Variants in UBE2D2 observed in about 807,000 individuals in gnomAD.
UBE2D2 encodes the protein ubiquitin-conjugating enzyme E2 D2.
A neutral mutation model predicts 24.2 loss-of-function variants in UBE2D2; 2 were observed. The observed-to-expected ratio is 0.08, with a 90% CI of 0.03 to 0.26. UBE2D2 has a LOEUF of 0.26. Among genes scored for constraint, UBE2D2 ranks in the 10% least tolerant of loss-of-function variants. The pLI, the probability that UBE2D2 is intolerant of heterozygous loss-of-function variation, is 1.00. For missense variants in UBE2D2, 44 were observed against 177.6 expected (o/e 0.25, Z 4.28); for synonymous variants, 58 against 56.5 (o/e 1.03, Z -0.12).
chr5:139,544,256 A>G (rs1280383206), intron 1 of UBE2D2, among the ~76,000 whole-genome samples: 1 of 151,048 alleles, frequency 6.6e-6, no homozygotes, highest in Non-Finnish European at 1.5e-5. Context: ...TCAGCCTCAC[A>G]AAGTGCTGAG....
intron 2 of UBE2D2, 145 bp from the exon 3 acceptor site, chr5:139,614,441 G>A: frequency 1.1e-6 from 1 of 946,548 alleles, no homozygotes; most frequent in South Asian, 1.7e-5. Context: ...TCTTTAGACT[G>A]TTAATTTATG....
chr5:139,614,225 G>GT (rs1228695083), intron 2 of UBE2D2, among the ~76,000 whole-genome samples: 13 of 151,772 alleles, frequency 8.6e-5, no homozygotes, highest in Non-Finnish European at 1.2e-4. Flanking sequence ...AATACTTTCG[G>GT]TTTTTTTTGT....
chr5:139,572,921 G>A (rs1223407141), intron 1 of UBE2D2, among the ~76,000 whole-genome samples: 1 of 151,926 alleles, frequency 6.6e-6, no homozygotes, highest in African/African-American at 2.4e-5. Context: ...TGGGATTGCA[G>A]GTGTGAGCCA....
At chr5:139,562,616 G>A (rs759417497) in intron 1 of UBE2D2, among the ~76,000 whole-genome samples, 1 of 152,028 alleles carries the variant, frequency 6.6e-6, no homozygotes, top group Middle Eastern at 3.2e-3. Context: ...TCGCAAAATG[G>A]ACTTGACGCT....
intron 1 of UBE2D2, among the ~76,000 whole-genome samples, chr5:139,599,758 CA>C (rs753190604): frequency 3.3e-5 from 5 of 151,106 alleles, no homozygotes; most frequent in African/African-American, 1.2e-4. Flanking sequence ...AACAAACAAA[CA>C]AAAAAAACAG....
intron 1 of UBE2D2, among the ~76,000 whole-genome samples, chr5:139,546,980 T>C (rs1752839481): frequency 6.6e-6 from 1 of 150,660 alleles, no homozygotes; most frequent in Non-Finnish European, 1.5e-5. Context: ...TGCAACCTCC[T>C]TCTCCCGGCT....
At chr5:139,585,605 C>T (rs1439078493) in intron 1 of UBE2D2, among the ~76,000 whole-genome samples, 2 of 151,850 alleles carry the variant, frequency 1.3e-5, no homozygotes, top group African/African-American at 4.8e-5. Flanking sequence ...TTTTTATGTG[C>T]CTTTGTAAGT....
At position 139,627,987 on chromosome 5, in the gene UBE2D2, T is replaced by C. The variant is rs1038186991; in HGVS notation, c.*1186T>C. The C allele has an allele frequency of 1.3e-5, 2 of 152,678 alleles. No homozygotes were observed. The highest frequency in any genetic ancestry group is 2.9e-5 in the Non-Finnish European group (2 of 68,052). 9.5% of individuals were successfully genotyped at this position (152,678 alleles called of 1,614,324 possible). A position where few individuals can be genotyped will look rare whatever the true frequency, so the allele number is the denominator to read the frequency against. On this transcript the variant is annotated 3_prime_UTR_variant, in exon 7 of 7. Coordinates refer to ENST00000398733, the MANE Select transcript of UBE2D2 (RefSeq NM_003339.3). ...ACTAAGCTGCATTTCATCAAAACCT[T>C]GTGACATTCCCTTGGTACATAGGAC...
At chr5:139,549,498 G>A (rs1241511943) in intron 1 of UBE2D2, among the ~76,000 whole-genome samples, 1 of 152,242 alleles carries the variant, frequency 6.6e-6, no homozygotes, top group African/African-American at 2.4e-5. Flanking sequence ...GCCAGCCGCT[G>A]TGGAGGGTGC....
chr5:139,605,509 G>A (rs1463907920), intron 2 of UBE2D2, among the ~76,000 whole-genome samples: 6 of 148,152 alleles, frequency 4.0e-5, no homozygotes, highest in Admixed American at 1.4e-4. Flanking sequence ...GGAGAATGGC[G>A]TGAACCCGGG....
intron 2 of UBE2D2, among the ~76,000 whole-genome samples, chr5:139,609,651 G>A (rs1281167807): frequency 2.0e-5 from 3 of 149,886 alleles, no homozygotes; most frequent in Non-Finnish European, 4.4e-5. Context: ...GATTACAGGT[G>A]TGAGCCATCA....
At chr5:139,617,370 AT>A (rs1292231182) in intron 5 of UBE2D2, among the ~76,000 whole-genome samples, 2,501 of 102,546 alleles carry the variant, frequency 0.024, 27 homozygotes, top group African/African-American at 0.057. Flanking sequence ...GTGGTGTGTG[AT>A]TTTTTTTTTT....
chr5:139,537,696 A>G (rs889366609), intron 1 of UBE2D2, among the ~76,000 whole-genome samples: 12 of 151,508 alleles, frequency 7.9e-5, no homozygotes, highest in African/African-American at 1.2e-4. Flanking sequence ...CAGGCGTGGT[A>G]GCTCACGCCT....
rs1239700900 is a variant in UBE2D2 at position 139,614,632 on chromosome 5, T to G, written c.120+15T>G. On this transcript the variant is annotated intron_variant, in intron 3 of 6. Coordinates refer to ENST00000398733, the MANE Select transcript of UBE2D2 (RefSeq NM_003339.3). ...TAATGGGGCCAGTAAGTATTCAGAT[T>G]AATTTCAGAATAAACAGTTTATGTA... 7.4e-6 allele frequency: 12 copies of G among 1,613,882 alleles called. No individual in the cohort carries two copies. Among genetic ancestry groups the G allele is most frequent in the Non-Finnish European group, 1.0e-5 (12 of 1,179,910 alleles).
At position 139,561,632 on chromosome 5, in the gene UBE2D2, C is replaced by T. The variant is rs910037384; in HGVS notation, c.-160C>T. The stretch of plus-strand genomic sequence containing the variant: ...GCGGCAGGCCCAGGAGCTGAGTGGG[C>T]CCCGGCCCTCAGCCCGTCCCGCCGG... On this transcript the variant is annotated 5_prime_UTR_variant, in exon 1 of 7. Coordinates refer to ENST00000398733, the MANE Select transcript of UBE2D2 (RefSeq NM_003339.3). 9.7e-6 allele frequency: 5 copies of T among 517,346 alleles called. No individual in the cohort carries two copies. The highest frequency in any genetic ancestry group is 6.3e-5 in the South Asian group (2 of 31,836). 32.0% of individuals were successfully genotyped at this position (517,346 alleles called of 1,614,324 possible).
intron 1 of UBE2D2, among the ~76,000 whole-genome samples, chr5:139,530,774 T>C (rs1429107775): frequency 6.6e-6 from 1 of 152,160 alleles, no homozygotes; most frequent in East Asian, 1.9e-4. Context: ...AACTGGCACA[T>C]GTACCTGTGC....
intron 1 of UBE2D2, among the ~76,000 whole-genome samples, chr5:139,540,095 T>G (rs1752735747): frequency 6.6e-6 from 1 of 150,928 alleles, no homozygotes; most frequent in Admixed American, 6.6e-5. Flanking sequence ...AATTTTGTAT[T>G]TTTAGTAGAG....
At position 139,568,853 on chromosome 5, in the gene UBE2D2, C is replaced by G. The variant is rs181209351; in HGVS notation, c.24+7038C>G. Among the ~76,000 whole-genome samples the G allele has an allele frequency of 3.9e-5, 6 of 152,058 alleles. No individual in the cohort carries two copies. The East Asian group carries it at 1.2e-3, about 29-fold the overall frequency. On this transcript the variant is annotated intron_variant, in intron 1 of 6. Transcript: ENST00000398733. ...GGGCATGGTGGTGAGCACCTGTGAT[C>G]CCAGTTACTGGGGAGGCTAAGGCAG...
chr5:139,585,601 T>C (rs1294425347), intron 1 of UBE2D2, among the ~76,000 whole-genome samples: 1 of 152,124 alleles, frequency 6.6e-6, no homozygotes, highest in Non-Finnish European at 1.5e-5. Flanking sequence ...AAATTTTTTA[T>C]GTGCCTTTGT....
Sources: allele counts gnomAD v4.1 joint callset (sites outside exome capture counted in the v4.1 genomes callset), GRCh38; gene constraint gnomAD v4.1.1; transcripts MANE v1.5; gene names NCBI Gene and HGNC (gene_info 2026-07-23, HGNC 2026-07-21).